The following GRIK2 variants were observed in gnomAD, a reference collection of about 807,000 sequenced individuals.
GRIK2 encodes glutamate receptor ionotropic, kainate 2.
Under a neutral mutation model 100.3 loss-of-function variants are expected in GRIK2, and 32 were observed. The ratio of observed to expected loss-of-function variants is 0.32; its 90% CI spans 0.24 to 0.43. The LOEUF is 0.43. Ranked by LOEUF, GRIK2 falls within the 20% of genes least tolerant of loss-of-function variation. The pLI is 1.00. For synonymous variants in GRIK2, 417 were observed against 389.4 expected (o/e 1.07, Z -0.83); for missense variants, 843 against 1,114.9 (o/e 0.76, Z 3.47).
rs1240254654 is a variant in GRIK2, at chr6:101,799,786, A to G, written c.1090A>G (p.Lys364Glu). ...CGGGACCCGCTTTATGAGTCTAATT[A>G]AAGAGGTAAGTTAGGAGAAGAACAT... ...RFGTRFMSLI[K>E]EAHWEGLTGR... The change falls in exon 8 of 17, where the codon AAA (lysine) becomes GAA (glutamate). Residue 364 changes from lysine to glutamate, a missense_variant. Physicochemically the swap from Lys to Glu is moderately conservative, Grantham distance 56. Around this residue, in one of 3 missense-constraint regions of GRIK2, gnomAD observed 519 missense variants for 643.8 expected, o/e 0.81. Coordinates refer to ENST00000369134, the MANE Select transcript of GRIK2 (RefSeq NM_021956.5). 6.2e-7 allele frequency: 1 copy of G among 1,612,446 alleles called. No individual in the cohort carries two copies. Among genetic ancestry groups the G allele is most frequent in the South Asian group, 1.1e-5 (1 of 91,048 alleles).
At chr6:101,793,326 C>A (rs1394174719) in intron 7 of GRIK2, among the ~76,000 whole-genome samples, 1 of 152,086 alleles carries the variant, frequency 6.6e-6, no homozygotes, top group East Asian at 1.9e-4. Flanking sequence ...GTTTTTTCCC[C>A]ATCTTTGTGG....
chr6:102,009,249 C>T (rs1795399607), intron 14 of GRIK2, among the ~76,000 whole-genome samples: 2 of 152,114 alleles, frequency 1.3e-5, no homozygotes, highest in South Asian at 4.1e-4. Context: ...CTTTTGTTTG[C>T]TCCATTTTGA....
At chr6:101,802,482 A>T (rs1220343769) in intron 9 of GRIK2, 44 bp downstream of exon 9, 2 of 778,514 alleles carry the variant, frequency 2.6e-6, no homozygotes, top group Non-Finnish European at 4.2e-6. Flanking sequence ...AATGAAACAT[A>T]TCTCAAAGAA....
At chr6:101,738,988 C>T (rs906489731) in intron 7 of GRIK2, among the ~76,000 whole-genome samples, 23 of 152,148 alleles carry the variant, frequency 1.5e-4, no homozygotes, top group African/African-American at 5.3e-4. Flanking sequence ...CTGCATAGCG[C>T]ACAGATGTAG....
At chr6:102,023,734 G>A (rs1318200222) in intron 14 of GRIK2, among the ~76,000 whole-genome samples, 2 of 151,474 alleles carry the variant, frequency 1.3e-5, no homozygotes, top group Admixed American at 6.6e-5. Context: ...TTCCAGCAAT[G>A]CTGTGCTGCT....
Position 101,648,526 on chromosome 6 carries a change from T to C in GRIK2, c.541+21889T>C, listed in dbSNP as rs1287346076. On this transcript the variant is annotated intron_variant, in intron 4 of 16. Coordinates refer to ENST00000369134, the MANE Select transcript of GRIK2 (RefSeq NM_021956.5). ...TATCATGGTTTCTCTGGGAAATGAA[T>C]ATAAAAATTTCCTTTGAAATATTTT... 2.0e-5 allele frequency among the ~76,000 whole-genome samples: 3 copies of C among 152,240 alleles called. No individual in the cohort carries two copies. In the South Asian group the frequency reaches 6.2e-4, roughly 32 times the overall value.
rs561691559 is a variant in GRIK2, at chr6:101,410,735, G to A, written c.115+11343G>A. Among the ~76,000 whole-genome samples the A allele has an allele frequency of 3.3e-5, 5 of 152,090 alleles. 1 individual carries two copies. In the South Asian group the frequency reaches 6.2e-4, roughly 19 times the overall value. ...AATACTCTGTACACAAAATCCCAGC[G>A]ACATGCAATTTACCTGTATTACAAG... On this transcript the variant is annotated intron_variant, in intron 2 of 16. Coordinates refer to ENST00000369134, the MANE Select transcript of GRIK2 (RefSeq NM_021956.5).
intron 2 of GRIK2, among the ~76,000 whole-genome samples, chr6:101,482,084 C>G (rs572820688): frequency 1.3e-3 from 204 of 152,260 alleles, no homozygotes; most frequent in African/African-American, 4.4e-3. Flanking sequence ...TAGCCGGTTT[C>G]TTTATAGCGG....
At chr6:101,719,282 C>T (rs1774303078) in intron 7 of GRIK2, among the ~76,000 whole-genome samples, 1 of 150,812 alleles carries the variant, frequency 6.6e-6, no homozygotes. Flanking sequence ...TTCTGCAGGC[C>T]CATTGGTTGC....
intron 14 of GRIK2, among the ~76,000 whole-genome samples, chr6:101,950,836 A>G (rs907469403): frequency 1.3e-5 from 2 of 152,206 alleles, no homozygotes; most frequent in Non-Finnish European, 2.9e-5. Context: ...GGTGAAGGAT[A>G]ACTGCTAAGT....
At chr6:101,514,402 G>A (rs1270502833) in intron 2 of GRIK2, among the ~76,000 whole-genome samples, 1 of 152,024 alleles carries the variant, frequency 6.6e-6, no homozygotes, top group East Asian at 1.9e-4. Flanking sequence ...AAAGCAGAAG[G>A]AAGAGGCTCC....
chr6:101,596,061 C>G lies in GRIK2; in HGVS notation c.116-25888C>G, dbSNP rs1386936796. On this transcript the variant is annotated intron_variant, in intron 2 of 16. Coordinates refer to ENST00000369134, the MANE Select transcript of GRIK2 (RefSeq NM_021956.5). ...AACAGAGTGAGGGTCTCCAGGAGTT[C>G]TAGCCTCATGAATCACAGAGCAAAC... Among the ~76,000 whole-genome samples the G allele has an allele frequency of 2.0e-5, 3 of 150,102 alleles. No individual in the cohort carries two copies. The East Asian group carries it at 5.9e-4, about 30-fold the overall frequency.
intron 5 of GRIK2, among the ~76,000 whole-genome samples, chr6:101,681,095 A>G (rs1361548228): frequency 2.0e-5 from 3 of 152,128 alleles, no homozygotes; most frequent in Non-Finnish European, 2.9e-5. Flanking sequence ...CTGATTTATG[A>G]GCATGATGCT....
chr6:101,660,819 A>G (rs1443040001), intron 4 of GRIK2, among the ~76,000 whole-genome samples: 1 of 152,074 alleles, frequency 6.6e-6, no homozygotes, highest in African/African-American at 2.4e-5. Context: ...CAGAACAGTA[A>G]AGATTGCTGC....
intron 2 of GRIK2, among the ~76,000 whole-genome samples, chr6:101,422,773 T>A (rs1776473445): frequency 6.6e-6 from 1 of 152,164 alleles, no homozygotes. Context: ...ATGACATGAT[T>A]TAAGTATCAT....
intron 2 of GRIK2, among the ~76,000 whole-genome samples, chr6:101,455,352 A>G (rs1383442775): frequency 1.3e-5 from 2 of 152,294 alleles, no homozygotes; most frequent in Admixed American, 6.5e-5. Context: ...AATTCAAAAC[A>G]ATGCTTCTTA....
At chr6:101,565,960 A>ATATATATAT (rs1200173639) in intron 2 of GRIK2, among the ~76,000 whole-genome samples, 1 of 128,236 alleles carries the variant, frequency 7.8e-6, no homozygotes, top group Non-Finnish European at 1.6e-5. Flanking sequence ...TATATATATA[A>ATATATATAT]GCAAACTAGA....
chr6:101,414,179 T>C (rs1054100734), intron 2 of GRIK2, among the ~76,000 whole-genome samples: 1 of 152,196 alleles, frequency 6.6e-6, no homozygotes, highest in African/African-American at 2.4e-5. Context: ...TAGAATAAAG[T>C]ATTTCTAAAC....
intron 2 of GRIK2, among the ~76,000 whole-genome samples, chr6:101,595,497 A>C (rs1778874413): frequency 6.6e-6 from 1 of 151,626 alleles, no homozygotes; most frequent in Non-Finnish European, 1.5e-5. Flanking sequence ...CAGCCAGATG[A>C]TGCCAGATTC....
Sources: allele counts gnomAD v4.1 joint callset (sites outside exome capture counted in the v4.1 genomes callset), GRCh38; gene constraint gnomAD v4.1.1; regional missense constraint gnomAD v4.1.1; transcripts MANE v1.5; gene names NCBI Gene and HGNC (gene_info 2026-07-23, HGNC 2026-07-21).